The following TMEM45A variants were observed in gnomAD, a reference collection of about 807,000 sequenced individuals.
TMEM45A encodes the protein DNA polymerase-transactivated protein 4.
Under a neutral mutation model 32.0 loss-of-function variants are expected in TMEM45A, and 25 were observed. The ratio of observed to expected loss-of-function variants is 0.78; its 90% CI spans 0.57 to 1.09. TMEM45A has a LOEUF of 1.09. Ranked by LOEUF, TMEM45A falls within the 50% of genes least tolerant of loss-of-function variation. The probability of loss-of-function intolerance (pLI) is 0.00; values close to 1 mark genes in which losing one functional copy is unlikely to be tolerated. For synonymous variants in TMEM45A, 122 were observed against 114.8 expected (o/e 1.06, Z -0.40); for missense variants, 302 against 325.0 (o/e 0.93, Z 0.54).
At chr3:100,526,724 C>G (rs751221879) in intron 1 of TMEM45A, among the ~76,000 whole-genome samples, 2 of 152,172 alleles carry the variant, frequency 1.3e-5, no homozygotes, top group Non-Finnish European at 2.9e-5. Context: ...TTTCTTTTCT[C>G]TTTCGAAATC....
Position 100,492,755 on chromosome 3 carries a change from T to TTCC in TMEM45A, c.-177_-176insTCC, listed in dbSNP as rs1707864096. The TTCC allele has an allele frequency of 9.8e-5, 14 of 143,506 alleles. No homozygotes were observed. Among genetic ancestry groups the TTCC allele is most frequent in the Non-Finnish European group, 1.4e-4 (9 of 65,984 alleles). The allele number at this position is 143,506 out of a possible 1,614,324, so 8.9% of individuals were successfully genotyped here. A position where few individuals can be genotyped will look rare whatever the true frequency, so the allele number is the denominator to read the frequency against. ...CGACTAGGGACCCAAGTTTAAAAATTCCTCCCCCCACCCAATGCGAGACGT... is the reference window on the plus strand; with the variant it reads ...CGACTAGGGACCCAAGTTTAAAAATTTCCCCTCCCCCCACCCAATGCGAGACGT... On this transcript the variant is annotated 5_prime_UTR_variant, in exon 1 of 6. Transcript: ENST00000323523.
intron 4 of TMEM45A, among the ~76,000 whole-genome samples, chr3:100,559,791 A>T (rs1414113367): frequency 6.6e-6 from 1 of 152,094 alleles, no homozygotes; most frequent in Non-Finnish European, 1.5e-5. Context: ...GACACATAGC[A>T]ATGACAGATA....
At chr3:100,526,454 G>A (rs1183712472) in intron 1 of TMEM45A, among the ~76,000 whole-genome samples, 1 of 152,146 alleles carries the variant, frequency 6.6e-6, no homozygotes, top group African/African-American at 2.4e-5. Context: ...ATTAACAACA[G>A]CTCAGGTTCT....
At chr3:100,499,696 G>A (rs921283710) in intron 1 of TMEM45A, among the ~76,000 whole-genome samples, 1 of 152,124 alleles carries the variant, frequency 6.6e-6, no homozygotes, top group South Asian at 2.1e-4. Flanking sequence ...AAGCAACATA[G>A]CGAAACCCCA....
At chr3:100,519,387 A>ATGTG (rs5851210) in intron 1 of TMEM45A, 56 of 563,886 alleles carry the variant, frequency 9.9e-5, no homozygotes, top group Middle Eastern at 3.3e-4. Context: ...GTGTGTGTGC[A>ATGTG]TGTGTGTGTG....
chr3:100,566,488 A>G (rs1706442224), intron 4 of TMEM45A, among the ~76,000 whole-genome samples: 2 of 152,150 alleles, frequency 1.3e-5, no homozygotes. Context: ...TTTATTGGCT[A>G]TGTGTCAGTT....
chr3:100,534,287 C>T (rs1339698977), intron 1 of TMEM45A, among the ~76,000 whole-genome samples: 1 of 152,094 alleles, frequency 6.6e-6, no homozygotes, highest in Non-Finnish European at 1.5e-5. Flanking sequence ...CCTGATGCAG[C>T]CAAAAGGATT....
chr3:100,512,417 T>G (rs1708181736), intron 1 of TMEM45A, among the ~76,000 whole-genome samples: 2 of 152,166 alleles, frequency 1.3e-5, no homozygotes, highest in Non-Finnish European at 2.9e-5. Context: ...AGATGTTCTT[T>G]GAAACCAACC....
chr3:100,526,758 C>T (rs527629859), intron 1 of TMEM45A, among the ~76,000 whole-genome samples: 1 of 152,206 alleles, frequency 6.6e-6, no homozygotes, highest in African/African-American at 2.4e-5. Flanking sequence ...TTGCAACAGA[C>T]TGGTCACAAC....
intron 1 of TMEM45A, among the ~76,000 whole-genome samples, chr3:100,500,650 G>A (rs185369796): frequency 2.3e-4 from 35 of 152,306 alleles, no homozygotes; most frequent in African/African-American, 7.0e-4. Flanking sequence ...ACCCATCACC[G>A]CTTCTGAGCA....
At position 100,509,946 on chromosome 3, in the gene TMEM45A, C is replaced by T. The variant is rs551950797; in HGVS notation, c.-4+17018C>T. Among the ~76,000 whole-genome samples, 15 of 152,316 alleles carry T rather than the reference C, an allele frequency of 9.8e-5. No individual in the cohort carries two copies. The East Asian group carries it at 2.1e-3, about 22-fold the overall frequency. ...AACGGCGCACCAGGAGATTATATCCCACGCATGGCTCGGAGGGTCCTACGC... is the reference window on the plus strand; with the variant it reads ...AACGGCGCACCAGGAGATTATATCCTACGCATGGCTCGGAGGGTCCTACGC... On this transcript the variant is annotated intron_variant, in intron 1 of 5. Transcript: ENST00000323523.
rs1430296374 is a variant in TMEM45A, at chr3:100,513,002, G to A, written c.-4+20074G>A. Reference sequence around the variant, plus strand: ...TAATCAATAGCTTACCAACCAAAAAGAGTCCAGGACCAGATGGATTCACAG... The same window carrying A: ...TAATCAATAGCTTACCAACCAAAAAAAGTCCAGGACCAGATGGATTCACAG... On this transcript the variant is annotated intron_variant, in intron 1 of 5. Coordinates refer to ENST00000323523, the MANE Select transcript of TMEM45A (RefSeq NM_018004.3). 3.4e-5 allele frequency among the ~76,000 whole-genome samples: 5 copies of A among 147,504 alleles called. No individual in the cohort carries two copies. The East Asian group carries it at 6.0e-4, about 18-fold the overall frequency.
chr3:100,497,415 A>G (rs900661403), intron 1 of TMEM45A, among the ~76,000 whole-genome samples: 7 of 152,190 alleles, frequency 4.6e-5, no homozygotes, highest in Non-Finnish European at 8.8e-5. Flanking sequence ...ATAACATAAA[A>G]TTTACCATCT....
At chr3:100,513,751 A>G (rs1488314947) in intron 1 of TMEM45A, among the ~76,000 whole-genome samples, 1 of 151,904 alleles carries the variant, frequency 6.6e-6, no homozygotes, top group Non-Finnish European at 1.5e-5. Context: ...CAAAATCTCC[A>G]TAAGCTGATA....
At chr3:100,507,732 T>C (rs1235577540) in intron 1 of TMEM45A, among the ~76,000 whole-genome samples, 2 of 152,086 alleles carry the variant, frequency 1.3e-5, no homozygotes, top group Non-Finnish European at 2.9e-5. Flanking sequence ...TTTTTAATAA[T>C]GACAAAGACA....
intron 1 of TMEM45A, among the ~76,000 whole-genome samples, chr3:100,523,845 T>C (rs1308450366): frequency 2.0e-5 from 3 of 151,958 alleles, no homozygotes; most frequent in Non-Finnish European, 4.4e-5. Context: ...CTCTTTCTCC[T>C]TCTTATTCCT....
At chr3:100,520,917 C>A (rs190636259) in intron 1 of TMEM45A, among the ~76,000 whole-genome samples, 94 of 152,214 alleles carry the variant, frequency 6.2e-4, no homozygotes, top group Middle Eastern at 3.4e-3. Flanking sequence ...CTGGAAGCAA[C>A]CTTTGCAGTA....
chr3:100,508,932 C>A (rs1448068453), intron 1 of TMEM45A, among the ~76,000 whole-genome samples: 1 of 151,906 alleles, frequency 6.6e-6, no homozygotes, highest in African/African-American at 2.4e-5. Context: ...ATTAAGACCT[C>A]AAAAGCACAC....
chr3:100,546,117 A>C (rs1186470412), intron 1 of TMEM45A, among the ~76,000 whole-genome samples: 1 of 152,150 alleles, frequency 6.6e-6, no homozygotes, highest in Non-Finnish European at 1.5e-5. Flanking sequence ...TGAGCCAAGG[A>C]ATGGAGGTGG....
Sources: allele counts gnomAD v4.1 joint callset (sites outside exome capture counted in the v4.1 genomes callset), GRCh38; gene constraint gnomAD v4.1.1; transcripts MANE v1.5; gene names NCBI Gene and HGNC (gene_info 2026-07-23, HGNC 2026-07-21).